The following ABLIM2 variants were observed in gnomAD, a reference collection of about 807,000 sequenced individuals.
ABLIM2 encodes actin binding LIM protein family member 2.
In ABLIM2, 53 loss-of-function variants were observed where a neutral mutation model predicts 97.7. The observed-to-expected ratio is 0.54, with a 90% CI of 0.44 to 0.68. The LOEUF (loss-of-function observed/expected upper bound fraction) is 0.68. ABLIM2 is among the 30% of genes least tolerant of loss of function. ABLIM2 has a pLI of 0.00. For missense variants in ABLIM2, 835 were observed against 867.2 expected (o/e 0.96, Z 0.47); for synonymous variants, 361 against 345.8 (o/e 1.04, Z -0.49).
At chr4:8,056,743 T>C (rs188556752) in intron 7 of ABLIM2, among the ~76,000 whole-genome samples, 5,536 of 151,774 alleles carry the variant, frequency 0.036, 139 homozygotes, top group Middle Eastern at 0.078. Context: ...CCATTCTGGC[T>C]AACATGGTGA....
intron 20 of ABLIM2, among the ~76,000 whole-genome samples, chr4:7,967,659 C>G (rs868501856): frequency 5.3e-5 from 8 of 152,328 alleles, no homozygotes; most frequent in Middle Eastern, 6.8e-3. Context: ...GCTGTTGTGC[C>G]TCTCTGAGCT....
intron 3 of ABLIM2, among the ~76,000 whole-genome samples, chr4:8,091,845 T>TACAACA (rs1828886332): frequency 9.2e-6 from 1 of 109,220 alleles, no homozygotes; most frequent in Non-Finnish European, 1.7e-5. Flanking sequence ...ATATAATATA[T>TACAACA]TATTTATACA....
intron 16 of ABLIM2, among the ~76,000 whole-genome samples, chr4:7,995,714 G>A (rs1324679149): frequency 6.6e-6 from 1 of 152,234 alleles, no homozygotes; most frequent in Non-Finnish European, 1.5e-5. Context: ...TCTCCTAGCG[G>A]AGGAACTCCC....
rs546200886 is a variant in ABLIM2, at chr4:8,050,791, G to A, written c.822+3397C>T. Among the ~76,000 whole-genome samples, 264 of 152,350 alleles carry A rather than the reference G, an allele frequency of 1.7e-3. 1 individual carries two copies. Among genetic ancestry groups the A allele is most frequent in the Non-Finnish European group, 2.9e-3 (194 of 68,040 alleles). On this transcript the variant is annotated intron_variant, in intron 8 of 20. Transcript: ENST00000447017. ...AGATGTGTATGAGAACCATTAGGCCGGGAGCCACGCCAGTCCCTGGACTCG... is the reference window on the plus strand; with the variant it reads ...AGATGTGTATGAGAACCATTAGGCCAGGAGCCACGCCAGTCCCTGGACTCG...
chr4:8,080,118 C>T (rs961084484), intron 5 of ABLIM2, among the ~76,000 whole-genome samples: 1 of 152,230 alleles, frequency 6.6e-6, no homozygotes, highest in Admixed American at 6.5e-5. Flanking sequence ...AATCGGCCAC[C>T]ACCCCAGTGT....
Position 8,125,003 on chromosome 4 carries a change from C to A in ABLIM2, c.11-18366G>T, listed in dbSNP as rs1304345606. Among the ~76,000 whole-genome samples the A allele has an allele frequency of 2.0e-5, 3 of 151,376 alleles. No individual in the cohort carries two copies. The South Asian group carries it at 6.3e-4, about 32-fold the overall frequency. On this transcript the variant is annotated intron_variant, in intron 1 of 20. Coordinates refer to ENST00000447017, the MANE Select transcript of ABLIM2 (RefSeq NM_001130083.2). This position sits in a 1 kb window ranked among gnomAD's most constrained non-coding sequence, Gnocchi z 6.2. ...GCTGGGCATGGTTCATGTGTAGATT[C>A]TCCCTCTGGGAGTCTTCTTTGTAAA...
At chr4:7,967,781 T>G (rs1724130891) in intron 20 of ABLIM2, among the ~76,000 whole-genome samples, 1 of 152,226 alleles carries the variant, frequency 6.6e-6, no homozygotes, top group Admixed American at 6.5e-5. Flanking sequence ...AGCCTCAGTC[T>G]GCTCATCTGT....
At position 8,095,958 on chromosome 4, in the gene ABLIM2, T is replaced by C. The variant is rs1354417729; in HGVS notation, c.338+1141A>G. 6.6e-6 allele frequency among the ~76,000 whole-genome samples: 1 copy of C among 152,192 alleles called. No individual in the cohort carries two copies. The highest frequency in any genetic ancestry group is 2.4e-5 in the African/African-American group (1 of 41,454). ...TCATATTTGGTCAAAGACTCCAAGG[T>C]ACCTGTGCAGTTCGGCGCTCTTGCT... On this transcript the variant is annotated intron_variant, in intron 3 of 20. Coordinates refer to ENST00000447017, the MANE Select transcript of ABLIM2 (RefSeq NM_001130083.2). The surrounding 1 kb of genome is among the most constrained non-coding windows in gnomAD (Gnocchi z 4.7).
Position 8,124,563 on chromosome 4 carries a change from C to T in ABLIM2, c.11-17926G>A, listed in dbSNP as rs1054147186. 3.3e-5 allele frequency among the ~76,000 whole-genome samples: 5 copies of T among 152,112 alleles called. No homozygotes were observed. The highest frequency in any genetic ancestry group is 7.4e-5 in the Non-Finnish European group (5 of 68,026). On this transcript the variant is annotated intron_variant, in intron 1 of 20. Transcript: ENST00000447017. The surrounding 1 kb of genome is among the most constrained non-coding windows in gnomAD (Gnocchi z 6.1). ...TCGGCGTCATGTTTTCAGGGAGTGTCCGTGGTGTGGTGGGCGTCAGTGCCT... is the reference window on the plus strand; with the variant it reads ...TCGGCGTCATGTTTTCAGGGAGTGTTCGTGGTGTGGTGGGCGTCAGTGCCT...
intron 1 of ABLIM2, among the ~76,000 whole-genome samples, chr4:8,146,847 A>G (rs59686715): frequency 1.0e-5 from 1 of 96,038 alleles, no homozygotes; most frequent in East Asian, 2.8e-4. Context: ...GTTTTTTTAA[A>G]TTGTTTTAAT....
chr4:7,990,764 C>G (rs1748067830), intron 17 of ABLIM2, among the ~76,000 whole-genome samples: 1 of 152,148 alleles, frequency 6.6e-6, no homozygotes, highest in African/African-American at 2.4e-5. Context: ...CAGGGCCGCC[C>G]TGAAAAAGGC....
chr4:8,158,436 G>T (rs1290356237), intron 1 of ABLIM2, among the ~76,000 whole-genome samples: 7 of 152,182 alleles, frequency 4.6e-5, no homozygotes, highest in Non-Finnish European at 1.0e-4. Context: ...TCCTGGCGCA[G>T]CCACGCCGGC....
chr4:8,088,667 C>A (rs1376377789), intron 3 of ABLIM2, among the ~76,000 whole-genome samples: 1 of 152,254 alleles, frequency 6.6e-6, no homozygotes, highest in Non-Finnish European at 1.5e-5. Context: ...CATATCAGCT[C>A]AGCAGCAAGG....
rs1198940857 is a variant in ABLIM2, at chr4:7,998,476, C to T, written c.1619-5549G>A. On this transcript the variant is annotated intron_variant, in intron 16 of 20. Transcript: ENST00000447017. This position sits in a 1 kb window ranked among gnomAD's most constrained non-coding sequence, Gnocchi z 6.4. Reference sequence around the variant, plus strand: ...GCCGGTCTGCCCACCTGGGTCCCTGCCGGTGCTGCCTGTGGGGATAAAATG... The same window carrying T: ...GCCGGTCTGCCCACCTGGGTCCCTGTCGGTGCTGCCTGTGGGGATAAAATG... Among the ~76,000 whole-genome samples the T allele has an allele frequency of 1.3e-5, 2 of 151,866 alleles. No individual in the cohort carries two copies. Among genetic ancestry groups the T allele is most frequent in the Non-Finnish European group, 2.9e-5 (2 of 67,960 alleles).
Position 8,023,286 on chromosome 4 carries a change from C to T in ABLIM2, c.1268-2983G>A, listed in dbSNP as rs906396716. ...ACCTGATGTTCTTCCGCTCCAGGAT[C>T]CCACCCAGGAAACATGACGTTCTGT... On this transcript the variant is annotated intron_variant, in intron 12 of 20. Coordinates refer to ENST00000447017, the MANE Select transcript of ABLIM2 (RefSeq NM_001130083.2). The surrounding 1 kb of genome is among the most constrained non-coding windows in gnomAD (Gnocchi z 5.7). Among the ~76,000 whole-genome samples, 1 of 152,244 alleles carries T rather than the reference C, an allele frequency of 6.6e-6. No individual in the cohort carries two copies. Among genetic ancestry groups the T allele is most frequent in the Non-Finnish European group, 1.5e-5 (1 of 68,048 alleles).
At chr4:8,027,141 C>A (rs1322835494) in intron 12 of ABLIM2, among the ~76,000 whole-genome samples, 1 of 152,196 alleles carries the variant, frequency 6.6e-6, no homozygotes, top group African/African-American at 2.4e-5. Flanking sequence ...CAGATACAGT[C>A]ACGTCAGGAA....
At chr4:8,110,494 T>C (rs1277060857) in intron 1 of ABLIM2, among the ~76,000 whole-genome samples, 2 of 152,164 alleles carry the variant, frequency 1.3e-5, no homozygotes, top group African/African-American at 2.4e-5. Flanking sequence ...CTTCTTGTGT[T>C]ACCTGGCCCC....
At chr4:8,010,520 G>T in intron 14 of ABLIM2, 1 of 985,926 alleles carries the variant, frequency 1.0e-6, no homozygotes, top group Non-Finnish European at 1.2e-6. Flanking sequence ...AGGCCAGAGA[G>T]CTTGGAAATT....
intron 1 of ABLIM2, among the ~76,000 whole-genome samples, chr4:8,108,816 C>G (rs374387135): frequency 2.0e-5 from 3 of 152,358 alleles, no homozygotes; most frequent in African/African-American, 7.2e-5. Context: ...AAAGTTGCCT[C>G]CACTTGTCCT....
Sources: gnomAD v4.1 joint callset for allele counts (sites outside exome capture counted in the v4.1 genomes callset) on GRCh38, gnomAD v4.1.1 for gene constraint, Gnocchi (gnomAD v3.1) non-coding constraint, MANE v1.5 for transcripts, NCBI Gene and HGNC (gene_info 2026-07-23, HGNC 2026-07-21) for gene names.